The following ANKMY1 variants were observed in gnomAD, a reference collection of about 807,000 sequenced individuals.
The protein encoded by ANKMY1 is ankyrin repeat and MYND domain containing 1.
A neutral mutation model predicts 102.0 loss-of-function variants in ANKMY1; 98 were observed. The observed-to-expected ratio is 0.96, with a 90% CI of 0.82 to 1.14. The LOEUF is 1.14. Among genes scored for constraint, ANKMY1 ranks in the 50% most tolerant of loss-of-function variants. ANKMY1 has a pLI of 0.00. For missense variants in ANKMY1, 1,330 were observed against 1,347.6 expected (o/e 0.99, Z 0.20); for synonymous variants, 582 against 559.9 (o/e 1.04, Z -0.56).
At chr2:240,472,521 C>T in the ANKMY1 span, among the ~76,000 whole-genome samples, 1 of 152,246 alleles carries the variant, frequency 6.6e-6, no homozygotes, top group African/African-American at 2.4e-5. Flanking sequence ...CTGTCAGGGA[C>T]TCACGCAGTG....
rs1336518997 is a variant in ANKMY1, at chr2:240,525,774, G to C, written c.1246C>G (p.Leu416Val). Reference sequence around the variant, plus strand: ...AGGAAACACATGCTGAGTGCCGTGAGACCCTCATCTGAGCACTTGTTCACG... The same window carrying C: ...AGGAAACACATGCTGAGTGCCGTGACACCCTCATCTGAGCACTTGTTCACG... ...ADVNKCSDEG[L>V]TALSMCFLLH... Residue 416 changes from leucine to valine, a missense_variant, in exon 7 of 18, where the codon CTC becomes GTC. By Grantham distance (32) the Leu-to-Val change is conservative (BLOSUM62 1). Transcript: ENST00000401804. 6.2e-7 allele frequency: 1 copy of C among 1,614,022 alleles called. No homozygotes were observed. The highest frequency in any genetic ancestry group is 8.5e-7 in the Non-Finnish European group (1 of 1,180,006).
At chr2:240,504,238 G>A (rs910742027) in intron 13 of ANKMY1, among the ~76,000 whole-genome samples, 1 of 152,208 alleles carries the variant, frequency 6.6e-6, no homozygotes, top group African/African-American at 2.4e-5. Flanking sequence ...CATCATTTAT[G>A]TATACCCCCA....
At chr2:240,482,597 T>C (rs905862325) in intron 15 of ANKMY1, among the ~76,000 whole-genome samples, 1 of 152,290 alleles carries the variant, frequency 6.6e-6, no homozygotes, top group Non-Finnish European at 1.5e-5. Flanking sequence ...TGTGTTATTT[T>C]ATGTGAGTTT....
At chr2:240,512,040 T>G in intron 10 of ANKMY1, 39 bp from the exon 11 acceptor site, 2 of 1,497,326 alleles carry the variant, frequency 1.3e-6, no homozygotes, top group South Asian at 2.6e-5. Context: ...CCCACGGACC[T>G]GCCGTGTGCC....
chr2:240,551,179 ATTC>A (rs1404173846), intron 4 of ANKMY1, among the ~76,000 whole-genome samples: 1 of 150,208 alleles, frequency 6.7e-6, no homozygotes, highest in African/African-American at 2.5e-5. Context: ...AATATTGCTG[ATTC>A]TTCTTTTGTC....
At chr2:240,527,620 AAGTGGGTGGACTG>A in intron 5 of ANKMY1, 1 of 3,484 alleles carries the variant, frequency 2.9e-4, no homozygotes, top group South Asian at 8.3e-3. Flanking sequence ...AATGGATGTT[AAGTGGGTGGACTG>A]ATGAATGACT....
intron 7 of ANKMY1, among the ~76,000 whole-genome samples, chr2:240,525,077 C>T (rs2083085231): frequency 6.6e-6 from 1 of 152,250 alleles, no homozygotes; most frequent in Non-Finnish European, 1.5e-5. Context: ...CTGCAAGCCA[C>T]AAGATCACCA....
At chr2:240,522,203 T>G (rs1444847684) in intron 8 of ANKMY1, 1 of 152,244 alleles carries the variant, frequency 6.6e-6, no homozygotes, top group East Asian at 1.9e-4. Flanking sequence ...GAGCATTGAT[T>G]GGTGCATTTA....
At chr2:240,475,082 A>G (rs1444654117), downstream of ANKMY1, among the ~76,000 whole-genome samples, 1 of 152,216 alleles carries the variant, frequency 6.6e-6, no homozygotes, top group Non-Finnish European at 1.5e-5. Flanking sequence ...TCTCACCTGT[A>G]TCTATTAATT....
chr2:240,553,213 G>A (rs898638095), intron 3 of ANKMY1, 156 bp from the exon 4 acceptor site: 2 of 839,986 alleles, frequency 2.4e-6, no homozygotes, highest in African/African-American at 1.7e-5. Context: ...ATTAGAGTCG[G>A]CAACTGAAGC....
intron 5 of ANKMY1, chr2:240,526,727 C>A: frequency 1.5e-6 from 2 of 1,348,448 alleles, no homozygotes; most frequent in Non-Finnish European, 1.9e-6. Flanking sequence ...CCATGCATCT[C>A]TGATTCATCT....
intron 15 of ANKMY1, among the ~76,000 whole-genome samples, chr2:240,488,587 C>G (rs1403759196): frequency 6.6e-6 from 1 of 152,030 alleles, no homozygotes; most frequent in Admixed American, 6.6e-5. Context: ...AATATTAATT[C>G]TTCCAACCCA....
rs560781502 is a variant in ANKMY1, at chr2:240,519,485, T to C, written c.2004+877A>G. On this transcript the variant is annotated intron_variant, in intron 9 of 17. Transcript: ENST00000401804. ...TGAACCTAACGAGGCCCTCATGGAC[T>C]GACGGAGCTGCGAGAGAAGCCTGGC... Among the ~76,000 whole-genome samples the C allele has an allele frequency of 5.9e-3, 902 of 152,318 alleles. 10 individuals are homozygous for C. Among genetic ancestry groups the C allele is most frequent in the Non-Finnish European group, 9.8e-3 (667 of 68,036 alleles).
In ANKMY1 at chr2:240,479,557, A is replaced by G. The variant is rs188805923; in HGVS notation, c.*52T>C. On this transcript the variant is annotated 3_prime_UTR_variant, in exon 18 of 18. Transcript: ENST00000401804. ...CCCTGAGGTGGCTCAGGCAGGTAAG[A>G]AACCCACACAGTCCTGGGTCCTCCC... 1 of 1,594,256 alleles carries G rather than the reference A, an allele frequency of 6.3e-7. No individual in the cohort carries two copies. Among genetic ancestry groups the G allele is most frequent in the East Asian group, 2.2e-5 (1 of 44,788 alleles).
chr2:240,502,627 GTCTTCCC>G (rs2078385418), intron 13 of ANKMY1, among the ~76,000 whole-genome samples: 1 of 151,822 alleles, frequency 6.6e-6, no homozygotes, highest in African/African-American at 2.4e-5. Context: ...CACCAGGAGT[GTCTTCCC>G]ACCCTGGCCC....
At chr2:240,545,382 A>G (rs2090120654) in intron 4 of ANKMY1, among the ~76,000 whole-genome samples, 3 of 152,246 alleles carry the variant, frequency 2.0e-5, no homozygotes, top group African/African-American at 4.8e-5. Context: ...TCAAAGACCG[A>G]AAGTAGATAA....
At chr2:240,545,123 A>G (rs1347506893) in intron 4 of ANKMY1, among the ~76,000 whole-genome samples, 1 of 152,202 alleles carries the variant, frequency 6.6e-6, no homozygotes, top group Non-Finnish European at 1.5e-5. Flanking sequence ...GACAGCTTTG[A>G]AGAGAGCAGT....
chr2:240,525,675 G>C lies in ANKMY1; in HGVS notation c.1335+10C>G. On this transcript the variant is annotated intron_variant, in intron 7 of 17. Coordinates refer to ENST00000401804, the MANE Select transcript of ANKMY1 (RefSeq NM_001282771.3). ...ACAGTTGGTGGTGCAGTGGCCACCG[G>C]GGGGCTTACCTGGGGCTCAGGTATG... 6.2e-7 allele frequency: 1 copy of C among 1,613,362 alleles called. No individual in the cohort carries two copies. The highest frequency in any genetic ancestry group is 1.3e-5 in the African/African-American group (1 of 75,044).
Position 240,499,856 on chromosome 2 carries a change from TCCA to T in ANKMY1, c.2806+99_2806+101del. 7 of 1,418,230 alleles carry T rather than the reference TCCA, an allele frequency of 4.9e-6. No homozygotes were observed. In the South Asian group the frequency reaches 7.5e-5, roughly 15 times the overall value. 87.9% of individuals were successfully genotyped at this position (1,418,230 alleles called of 1,614,324 possible). ...ACGAGCCCAGCCCCAGGAAGGCCCC[TCCA>T]AGAGCCCCAGGGGGTCCAGATCTCC... On this transcript the variant is annotated intron_variant, in intron 15 of 17. Coordinates refer to ENST00000401804, the MANE Select transcript of ANKMY1 (RefSeq NM_001282771.3). This position sits in a 1 kb window ranked among gnomAD's most constrained non-coding sequence, Gnocchi z 4.2.
Sources: allele counts gnomAD v4.1 joint callset (sites outside exome capture counted in the v4.1 genomes callset), GRCh38; gene constraint gnomAD v4.1.1; non-coding constraint Gnocchi (gnomAD v3.1); transcripts MANE v1.5; gene names NCBI Gene and HGNC (gene_info 2026-07-23, HGNC 2026-07-21).